LRRC49: variants seen among roughly 807,000 people sequenced by gnomAD.
LRRC49 encodes leucine-rich repeat-containing protein 49.
A neutral mutation model predicts 83.3 loss-of-function variants in LRRC49; 50 were observed. The observed-to-expected ratio is 0.60, with a 90% CI of 0.48 to 0.76. The LOEUF is 0.76. Ranked by LOEUF, LRRC49 falls within the 30% of genes least tolerant of loss-of-function variation. The probability of loss-of-function intolerance (pLI) is 0.00; values close to 1 mark genes in which losing one functional copy is unlikely to be tolerated. For missense variants in LRRC49, 704 were observed against 809.1 expected, an observed-to-expected ratio of 0.87 and a Z score of 1.58; for synonymous variants, 286 against 283.3, an observed-to-expected ratio of 1.01 and a Z score of -0.10.
At chr15:71,001,723 G>A (rs767577854) in intron 11 of LRRC49, among the ~76,000 whole-genome samples, 12 of 151,468 alleles carry the variant, frequency 7.9e-5, no homozygotes, top group Non-Finnish European at 1.0e-4. Context: ...GGAGTCTCAC[G>A]CTCTGTCCCC....
intron 11 of LRRC49, among the ~76,000 whole-genome samples, chr15:70,989,803 G>A (rs1315470167): frequency 4.6e-5 from 7 of 152,102 alleles, no homozygotes; most frequent in Non-Finnish European, 8.8e-5. Flanking sequence ...GTACAGATGG[G>A]TTTTTGGTGT....
intron 9 of LRRC49, among the ~76,000 whole-genome samples, chr15:70,976,345 A>G (rs186095364): frequency 1.4e-3 from 210 of 152,354 alleles, no homozygotes; most frequent in Non-Finnish European, 2.6e-3. Flanking sequence ...CTTTGAGGGA[A>G]AAAACCCTGT....
intron 11 of LRRC49, among the ~76,000 whole-genome samples, chr15:71,006,780 T>C (rs917951231): frequency 1.3e-5 from 2 of 152,120 alleles, no homozygotes; most frequent in East Asian, 1.9e-4. Context: ...AGTATTGTAA[T>C]AGCAGTATGC....
chr15:70,990,579 G>C (rs1317706052), intron 11 of LRRC49, among the ~76,000 whole-genome samples: 2 of 152,224 alleles, frequency 1.3e-5, no homozygotes, highest in Non-Finnish European at 2.9e-5. Flanking sequence ...CTGACCCCTT[G>C]CACTTCCCAA....
At chr15:71,001,409 ATACT>A (rs1480377671) in intron 11 of LRRC49, among the ~76,000 whole-genome samples, 2 of 152,148 alleles carry the variant, frequency 1.3e-5, no homozygotes, top group African/African-American at 4.8e-5. Flanking sequence ...ATCCTCCATC[ATACT>A]TACTGTTAGT....
chr15:70,985,285 G>A (rs1343130913), intron 11 of LRRC49, among the ~76,000 whole-genome samples: 33 of 150,540 alleles, frequency 2.2e-4, no homozygotes, highest in Admixed American at 2.1e-3. Context: ...ATCCTCTCCA[G>A]CACCTGTTGT....
intron 5 of LRRC49, among the ~76,000 whole-genome samples, chr15:70,910,515 T>C (rs1385626459): frequency 6.6e-6 from 1 of 152,176 alleles, no homozygotes; most frequent in African/African-American, 2.4e-5. Flanking sequence ...GTGATAAATA[T>C]ATGGTGATAA....
chr15:70,884,631 C>T (rs978122112), intron 2 of LRRC49, among the ~76,000 whole-genome samples: 4 of 152,042 alleles, frequency 2.6e-5, no homozygotes, highest in South Asian at 2.1e-4. Context: ...TTTATCTCCA[C>T]GTTTATTAAA....
intron 7 of LRRC49, 112 bp from the exon 8 acceptor site, chr15:70,936,649 A>G (rs1164456812): frequency 1.5e-6 from 1 of 681,146 alleles, no homozygotes; most frequent in Non-Finnish European, 2.6e-6. Flanking sequence ...TCAGTGATGT[A>G]GCAATGTTGC....
At chr15:70,928,774 A>T (rs1303592078) in intron 7 of LRRC49, among the ~76,000 whole-genome samples, 1 of 152,154 alleles carries the variant, frequency 6.6e-6, no homozygotes, top group Non-Finnish European at 1.5e-5. Flanking sequence ...CACATTGGTC[A>T]GGCTGGTCTC....
chr15:70,873,406 T>C (rs1218966244), intron 2 of LRRC49, among the ~76,000 whole-genome samples: 1 of 152,196 alleles, frequency 6.6e-6, no homozygotes, highest in Non-Finnish European at 1.5e-5. Context: ...TTAGGGAGTC[T>C]TTACCACTAG....
chr15:70,893,335 G>T, intron 1 of LRRC49: 3 of 567,062 alleles, frequency 5.3e-6, no homozygotes, highest in Non-Finnish European at 9.3e-6. Context: ...AATGTCGAAA[G>T]CCTGAGGTAC....
At position 71,026,938 on chromosome 15, in the gene LRRC49, A is replaced by G. The variant is rs547943968; in HGVS notation, c.1704-10241A>G. Among the ~76,000 whole-genome samples, 279 of 152,038 alleles carry G rather than the reference A, an allele frequency of 1.8e-3. 2 individuals are homozygous for G. Among genetic ancestry groups the G allele is most frequent in the African/African-American group, 6.6e-3 (273 of 41,498 alleles). Reference sequence around the variant, plus strand: ...GTTTCTTTTGCTGTGCAGAAGCTCTATAGTTTGATTATATCCCATTTGTCA... The same window carrying G: ...GTTTCTTTTGCTGTGCAGAAGCTCTGTAGTTTGATTATATCCCATTTGTCA... On this transcript the variant is annotated intron_variant, in intron 14 of 15. Coordinates refer to ENST00000260382, the MANE Select transcript of LRRC49 (RefSeq NM_017691.5).
At chr15:70,976,226 G>A (rs2141216049) in intron 9 of LRRC49, among the ~76,000 whole-genome samples, 1 of 152,260 alleles carries the variant, frequency 6.6e-6, no homozygotes, top group South Asian at 2.1e-4. Flanking sequence ...TGGACCAGAA[G>A]TCAGGTGACA....
At chr15:71,045,721 C>G (rs2039835509) in intron 15 of LRRC49, among the ~76,000 whole-genome samples, 2 of 151,474 alleles carry the variant, frequency 1.3e-5, no homozygotes, top group South Asian at 4.2e-4. Context: ...AATATTTCAC[C>G]TTTTAGATAT....
At chr15:70,934,180 C>T (rs1270778990) in intron 7 of LRRC49, among the ~76,000 whole-genome samples, 2 of 152,152 alleles carry the variant, frequency 1.3e-5, no homozygotes, top group African/African-American at 2.4e-5. Context: ...TTAGAGGAGC[C>T]ATCCCCTAGT....
chr15:70,986,164 T>C (rs1211978871), intron 11 of LRRC49, among the ~76,000 whole-genome samples: 1 of 151,198 alleles, frequency 6.6e-6, no homozygotes, highest in Non-Finnish European at 1.5e-5. Context: ...TTTCCAATTC[T>C]GTGAAGAAAG....
chr15:70,980,126 T>A lies in LRRC49; in HGVS notation c.947T>A (p.Val316Asp). ...GAAGAAGAAAGGCGTATGGCATCTGTTTTAGCCAAAAAAGAGGAAGAGAAG... is the reference window on the plus strand; with the variant it reads ...GAAGAAGAAAGGCGTATGGCATCTGATTTAGCCAAAAAAGAGGAAGAGAAG... Reference protein sequence around the residue: ...ITEEERRMASVLAKKEEEKKR... With the variant: ...ITEEERRMASDLAKKEEEKKR... Residue 316 changes from valine to aspartate, a missense_variant, in exon 10 of 16, where the codon GTT (valine) becomes GAT (aspartate). Val to Asp is a radical substitution (Grantham distance 152). Transcript: ENST00000260382. 7 of 1,611,732 alleles carry A rather than the reference T, an allele frequency of 4.3e-6. No individual in the cohort carries two copies. Among genetic ancestry groups the A allele is most frequent in the Non-Finnish European group, 5.9e-6 (7 of 1,178,982 alleles).
intron 7 of LRRC49, among the ~76,000 whole-genome samples, chr15:70,920,232 G>A (rs1235099960): frequency 6.6e-6 from 1 of 152,064 alleles, no homozygotes; most frequent in Non-Finnish European, 1.5e-5. Flanking sequence ...AAAAGGCTGG[G>A]GGACAGAGGA....
Sources: gnomAD v4.1 joint callset for allele counts (sites outside exome capture counted in the v4.1 genomes callset) on GRCh38, gnomAD v4.1.1 for gene constraint, MANE v1.5 for transcripts, NCBI Gene and HGNC (gene_info 2026-07-23, HGNC 2026-07-21) for gene names.